EPS15L1: variants seen among roughly 807,000 people sequenced by gnomAD.
The protein encoded by EPS15L1 is epidermal growth factor receptor substrate 15-like 1.
In EPS15L1, 43 loss-of-function variants were observed where a neutral mutation model predicts 117.1. That is an observed-to-expected ratio of 0.37 (90% CI 0.29 to 0.47). EPS15L1 has a LOEUF of 0.47. Among genes scored for constraint, EPS15L1 ranks in the 20% least tolerant of loss-of-function variants. The pLI is 0.99. For missense variants in EPS15L1, 981 were observed against 1,164.0 expected, an observed-to-expected ratio of 0.84 and a Z score of 2.29; for synonymous variants, 459 against 470.5, an observed-to-expected ratio of 0.98 and a Z score of 0.32.
chr19:16,464,666 AGGG>A (rs2093283669), intron 1 of EPS15L1, among the ~76,000 whole-genome samples: 1 of 152,162 alleles, frequency 6.6e-6, no homozygotes, highest in Non-Finnish European at 1.5e-5. Context: ...GGCCTAGACC[AGGG>A]GTGTCCAATC....
chr19:16,379,522 G>T (rs1321252041), intron 21 of EPS15L1, among the ~76,000 whole-genome samples: 2 of 152,190 alleles, frequency 1.3e-5, no homozygotes, highest in Non-Finnish European at 2.9e-5. Context: ...GGGGGAAAAG[G>T]TCTACCACCA....
rs1377998475 is a variant in EPS15L1, at chr19:16,361,662, T to C, written c.2586+117A>G. 6 of 1,444,142 alleles carry C rather than the reference T, an allele frequency of 4.2e-6. No homozygotes were observed. The East Asian group carries it at 1.5e-4, about 37-fold the overall frequency. The allele number at this position is 1,444,142 out of a possible 1,614,324, so 89.5% of individuals were successfully genotyped here. On this transcript the variant is annotated intron_variant, in intron 23 of 23. Coordinates refer to ENST00000455140, the MANE Select transcript of EPS15L1 (RefSeq NM_001258374.3). ...TAAATAACGCGAGGGACAGAGAGTG[T>C]GAGGTACCAAGAGGCTAAAGAAGCT...
intron 16 of EPS15L1, chr19:16,400,893 AAAAGGG>A: frequency 1.0e-6 from 1 of 985,432 alleles, no homozygotes; most frequent in South Asian, 4.7e-5. Context: ...AAAAACCTGC[AAAAGGG>A]ACATTTAAGA....
intron 1 of EPS15L1, among the ~76,000 whole-genome samples, chr19:16,469,588 G>A (rs1207552107): frequency 6.7e-6 from 1 of 148,654 alleles, no homozygotes; most frequent in Non-Finnish European, 1.5e-5. Flanking sequence ...TGATATTCAG[G>A]GTCAGAAAAG....
rs557043469 is a variant in EPS15L1 at position 16,388,690 on chromosome 19, A to G, written c.2104-2459T>C. 3.7e-4 allele frequency among the ~76,000 whole-genome samples: 56 copies of G among 152,108 alleles called. No homozygotes were observed. In the South Asian group the frequency reaches 3.9e-3, roughly 11 times the overall value. On this transcript the variant is annotated intron_variant, in intron 19 of 23. Transcript: ENST00000455140. ...AAAATACAAGAAATTAGCTGGGCAT[A>G]GTGGCGGGCGCCTGTAGTCCCAACT... is the stretch of plus-strand genomic sequence containing the variant.
intron 1 of EPS15L1, among the ~76,000 whole-genome samples, chr19:16,462,198 T>C (rs1231221945): frequency 6.6e-6 from 1 of 152,200 alleles, no homozygotes; most frequent in Non-Finnish European, 1.5e-5. Context: ...AATGGCACCA[T>C]TGTTGGTCCC....
At chr19:16,361,618 C>T in intron 23 of EPS15L1, 161 bp downstream of exon 23, 1 of 1,314,408 alleles carries the variant, frequency 7.6e-7, no homozygotes, top group Non-Finnish European at 9.7e-7. Context: ...GTTTTTCTTA[C>T]AGAAGTGGCA....
intron 20 of EPS15L1, among the ~76,000 whole-genome samples, chr19:16,385,470 C>T (rs986581966): frequency 1.7e-4 from 26 of 152,206 alleles, no homozygotes; most frequent in African/African-American, 6.0e-4. Context: ...GACAAGTTGC[C>T]ACAGAGGCGT....
chr19:16,392,938 A>G (rs2144776752), intron 18 of EPS15L1, among the ~76,000 whole-genome samples: 1 of 152,124 alleles, frequency 6.6e-6, no homozygotes, highest in African/African-American at 2.4e-5. Flanking sequence ...GCTACTAAGG[A>G]GGCTGAGGCA....
intron 15 of EPS15L1, among the ~76,000 whole-genome samples, chr19:16,403,058 A>C (rs2092618465): frequency 6.6e-6 from 1 of 152,206 alleles, no homozygotes; most frequent in African/African-American, 2.4e-5. Flanking sequence ...TGGAGCACAG[A>C]CAGAGACCAG....
chr19:16,435,478 G>C (rs1210570215), intron 6 of EPS15L1, among the ~76,000 whole-genome samples: 1 of 152,144 alleles, frequency 6.6e-6, no homozygotes, highest in East Asian at 1.9e-4. Context: ...TGTACACTTA[G>C]AAATGGTTAA....
At chr19:16,445,391 A>T (rs968993198) in intron 1 of EPS15L1, among the ~76,000 whole-genome samples, 2 of 152,214 alleles carry the variant, frequency 1.3e-5, no homozygotes, top group Non-Finnish European at 2.9e-5. Context: ...GGTAACCTGG[A>T]ACAATGACAG....
At chr19:16,413,086 G>A in intron 13 of EPS15L1, 1 of 692,060 alleles carries the variant, frequency 1.4e-6, no homozygotes, top group South Asian at 1.4e-5. Flanking sequence ...GTTGCTATCG[G>A]GGACTACAAT....
In EPS15L1 at chr19:16,365,725, C is replaced by T. The variant is rs560451644; in HGVS notation, c.2381-3741G>A. On this transcript the variant is annotated intron_variant, in intron 22 of 23. Transcript: ENST00000455140. The surrounding 1 kb of genome is among the most constrained non-coding windows in gnomAD (Gnocchi z 4.9). ...CTCCCTCCACGGGAAAGCCCCCCCT[C>T]CCCCAGGGTCCCTCACCACTCTGCT... Among the ~76,000 whole-genome samples the T allele has an allele frequency of 6.6e-6, 1 of 152,340 alleles. No homozygotes were observed. Among genetic ancestry groups the T allele is most frequent in the South Asian group, 2.1e-4 (1 of 4,830 alleles).
At position 16,403,768 on chromosome 19, in the gene EPS15L1, T is replaced by C; in HGVS notation, c.1591A>G (p.Lys531Glu). The C allele has an allele frequency of 1.2e-6, 2 of 1,613,696 alleles. No homozygotes were observed. The highest frequency in any genetic ancestry group is 1.7e-6 in the Non-Finnish European group (2 of 1,179,990). ...TCGTCTTGCGTTGACTTCAGGGACT[T>C]GATGATGGTTTCCAGCTGGACTCGC... ...AGRVQLETII[K>E]SLKSTQDEIN... The change falls in exon 15 of 24, where the codon AAG (lysine) becomes GAG (glutamate). Residue 531 changes from lysine (K) to glutamate (E), a missense_variant. Physicochemically the swap from Lys to Glu is moderately conservative, Grantham distance 56. Around this residue, in one of 5 missense-constraint regions of EPS15L1, gnomAD observed 819 missense variants for 949.0 expected, o/e 0.86. Coordinates refer to ENST00000455140, the MANE Select transcript of EPS15L1 (RefSeq NM_001258374.3).
intron 9 of EPS15L1, among the ~76,000 whole-genome samples, chr19:16,421,821 G>A (rs1198511693): frequency 6.6e-6 from 1 of 152,084 alleles, no homozygotes; most frequent in Non-Finnish European, 1.5e-5. Context: ...ACCCTCCCGA[G>A]CACCCACTTG....
chr19:16,469,413 G>T (rs918045891), intron 1 of EPS15L1, among the ~76,000 whole-genome samples: 3 of 152,078 alleles, frequency 2.0e-5, no homozygotes, highest in Non-Finnish European at 4.4e-5. Context: ...TAACCTCGGG[G>T]AGTACAAGGA....
At chr19:16,417,052 T>A (rs1373383832) in intron 12 of EPS15L1, among the ~76,000 whole-genome samples, 2 of 152,160 alleles carry the variant, frequency 1.3e-5, no homozygotes, top group African/African-American at 4.8e-5. Context: ...CTGTCAAGGA[T>A]AACAAGGCCT....
intron 19 of EPS15L1, among the ~76,000 whole-genome samples, chr19:16,388,335 G>A (rs550057511): frequency 1.1e-3 from 167 of 152,094 alleles, no homozygotes; most frequent in African/African-American, 3.0e-3. Flanking sequence ...CCACTGAACC[G>A]GCAATGAAAA....
Sources: allele counts gnomAD v4.1 joint callset (sites outside exome capture counted in the v4.1 genomes callset), GRCh38; gene constraint gnomAD v4.1.1; regional missense constraint gnomAD v4.1.1; non-coding constraint Gnocchi (gnomAD v3.1); transcripts MANE v1.5; gene names NCBI Gene and HGNC (gene_info 2026-07-23, HGNC 2026-07-21).